SGK3: variants seen among roughly 807,000 people sequenced by gnomAD.
The protein encoded by SGK3 is serine/threonine-protein kinase Sgk3.
In SGK3, 47 loss-of-function variants were observed where a neutral mutation model predicts 68.5. That is an observed-to-expected ratio of 0.69 (90% CI 0.54 to 0.87). The LOEUF is 0.87. Ranked by LOEUF, SGK3 falls within the 40% of genes least tolerant of loss-of-function variation. SGK3 has a pLI of 0.00. For missense variants in SGK3, 479 were observed against 575.5 expected, an observed-to-expected ratio of 0.83 and a Z score of 1.72; for synonymous variants, 181 against 189.1, an observed-to-expected ratio of 0.96 and a Z score of 0.35.
chr8:66,788,426 G>C (rs1375089989), intron 1 of SGK3, among the ~76,000 whole-genome samples: 1 of 152,210 alleles, frequency 6.6e-6, no homozygotes, highest in Non-Finnish European at 1.5e-5. Flanking sequence ...CAAACCCTAA[G>C]GGTCTGAAAC....
At chr8:66,846,379 A>G (rs1458542782) in intron 14 of SGK3, among the ~76,000 whole-genome samples, 1 of 152,086 alleles carries the variant, frequency 6.6e-6, no homozygotes, top group Admixed American at 6.5e-5. Flanking sequence ...CAGTGGCGCA[A>G]TCTCAGCTCA....
chr8:66,839,213 C>G (rs1809666239), intron 10 of SGK3, among the ~76,000 whole-genome samples: 1 of 151,724 alleles, frequency 6.6e-6, no homozygotes, highest in Non-Finnish European at 1.5e-5. Context: ...CCAAGGGACC[C>G]AGTGGAAACT....
chr8:66,812,257 G>A (rs559502143), intron 4 of SGK3, among the ~76,000 whole-genome samples: 1 of 152,182 alleles, frequency 6.6e-6, no homozygotes, highest in South Asian at 2.1e-4. Context: ...TAAGTTTTTA[G>A]AGTATATTTC....
intron 5 of SGK3, 141 bp downstream of exon 5, chr8:66,814,069 C>G (rs1250963742): frequency 1.8e-6 from 1 of 546,548 alleles, no homozygotes; most frequent in East Asian, 3.6e-5. Flanking sequence ...GCATTTTCTC[C>G]CTGATACTCT....
At chr8:66,756,266 C>A (rs746830177) in intron 1 of SGK3, among the ~76,000 whole-genome samples, 2 of 152,056 alleles carry the variant, frequency 1.3e-5, no homozygotes, top group African/African-American at 4.8e-5. Context: ...AATTGTGAGA[C>A]AATGCATTTC....
intron 10 of SGK3, among the ~76,000 whole-genome samples, chr8:66,838,305 C>T (rs1282098802): frequency 6.6e-6 from 1 of 152,126 alleles, no homozygotes. Flanking sequence ...ACCTCATGAT[C>T]CACCCGCCTC....
chr8:66,807,184 A>G (rs1423933414), intron 4 of SGK3, among the ~76,000 whole-genome samples: 1 of 152,212 alleles, frequency 6.6e-6, no homozygotes, highest in Admixed American at 6.5e-5. Context: ...CTTAGGTAAC[A>G]CATATAGAGA....
At chr8:66,809,154 C>G (rs1808283127) in intron 4 of SGK3, among the ~76,000 whole-genome samples, 1 of 152,210 alleles carries the variant, frequency 6.6e-6, no homozygotes, top group South Asian at 2.1e-4. Context: ...ACCACCACCA[C>G]TCCTGGCTCA....
At chr8:66,765,630 T>C (rs935346471) in intron 1 of SGK3, among the ~76,000 whole-genome samples, 5 of 152,196 alleles carry the variant, frequency 3.3e-5, no homozygotes, top group African/African-American at 1.2e-4. Context: ...ACGTTCGATA[T>C]GTTATTTTCA....
chr8:66,772,654 G>A (rs945153040), intron 1 of SGK3, among the ~76,000 whole-genome samples: 9 of 150,818 alleles, frequency 6.0e-5, no homozygotes, highest in African/African-American at 1.5e-4. Flanking sequence ...TCTGCCTCCC[G>A]GGTTCACGCC....
intron 4 of SGK3, among the ~76,000 whole-genome samples, chr8:66,806,605 G>A (rs1808175081): frequency 6.6e-6 from 1 of 151,992 alleles, no homozygotes; most frequent in Non-Finnish European, 1.5e-5. Flanking sequence ...TTGAGGCCAG[G>A]AGTTCAAGAC....
chr8:66,802,483 G>A (rs1328421044), intron 3 of SGK3, among the ~76,000 whole-genome samples: 1 of 152,040 alleles, frequency 6.6e-6, no homozygotes, highest in Non-Finnish European at 1.5e-5. Context: ...GAGCTCAGGA[G>A]TTCAAGACCA....
intron 16 of SGK3, among the ~76,000 whole-genome samples, chr8:66,853,832 CTA>C (rs1810396055): frequency 6.6e-6 from 1 of 152,100 alleles, no homozygotes; most frequent in Non-Finnish European, 1.5e-5. Context: ...CTAAAATGGG[CTA>C]ATACAAACCA....
rs1387856219 is a variant in SGK3 at position 66,778,439 on chromosome 8, G to T, written c.-121-15177G>T. 2.0e-5 allele frequency among the ~76,000 whole-genome samples: 3 copies of T among 152,306 alleles called. No homozygotes were observed. The East Asian group carries it at 5.8e-4, about 29-fold the overall frequency. On this transcript the variant is annotated intron_variant, in intron 1 of 16. Transcript: ENST00000521198. ...AGAATCCGGAGTAGCTGGGACTACA[G>T]GCGCCCGCCACCACGCTCGGCTAAT...
intron 7 of SGK3, among the ~76,000 whole-genome samples, chr8:66,830,724 A>G (rs1376006170): frequency 6.6e-6 from 1 of 152,214 alleles, no homozygotes; most frequent in Non-Finnish European, 1.5e-5. Flanking sequence ...TCTTTAATGT[A>G]CAATAAGTGG....
chr8:66,822,596 A>ATGC (rs1399869220), intron 6 of SGK3, 137 bp downstream of exon 6: 1 of 659,568 alleles, frequency 1.5e-6, no homozygotes, highest in Non-Finnish European at 2.4e-6. Flanking sequence ...ATAAAAACAA[A>ATGC]TGCATATACC....
chr8:66,838,843 A>G (rs1809650024), intron 10 of SGK3, among the ~76,000 whole-genome samples: 1 of 152,208 alleles, frequency 6.6e-6, no homozygotes, highest in African/African-American at 2.4e-5. Context: ...GTTCATACTT[A>G]AAAATTTTAA....
chr8:66,853,860 T>C (rs1304841374), intron 16 of SGK3, among the ~76,000 whole-genome samples: 1 of 152,244 alleles, frequency 6.6e-6, no homozygotes, highest in Non-Finnish European at 1.5e-5. Flanking sequence ...GGGTACATTA[T>C]TATATTTTAA....
chr8:66,829,179 A>G (rs1809197326), intron 7 of SGK3, among the ~76,000 whole-genome samples: 1 of 152,160 alleles, frequency 6.6e-6, no homozygotes, highest in Non-Finnish European at 1.5e-5. Context: ...AAAGGCTATT[A>G]AACTTTGTTT....
Sources: gnomAD v4.1 joint callset for allele counts (sites outside exome capture counted in the v4.1 genomes callset) on GRCh38, gnomAD v4.1.1 for gene constraint, MANE v1.5 for transcripts, NCBI Gene and HGNC (gene_info 2026-07-23, HGNC 2026-07-21) for gene names.